The following DAB1 variants were observed in gnomAD, a reference collection of about 807,000 sequenced individuals.
DAB1 encodes the protein disabled homolog 1.
In DAB1, 15 loss-of-function variants were observed where a neutral mutation model predicts 64.6. That is an observed-to-expected ratio of 0.23 (90% CI 0.16 to 0.36). The LOEUF is 0.36. Ranked by LOEUF, DAB1 falls within the 10% of genes least tolerant of loss-of-function variation. The probability of loss-of-function intolerance (pLI) is 1.00; values close to 1 mark genes in which losing one functional copy is unlikely to be tolerated. For missense variants in DAB1, 596 were observed against 706.7 expected (o/e 0.84, Z 1.78); for synonymous variants, 235 against 251.9 (o/e 0.93, Z 0.64).
At chr1:58,009,774 T>C (rs1418987035) in intron 5 of DAB1, among the ~76,000 whole-genome samples, 1 of 152,174 alleles carries the variant, frequency 6.6e-6, no homozygotes, top group African/African-American at 2.4e-5. Flanking sequence ...AATTAAACTA[T>C]CTTTCCTTAT....
intron 4 of DAB1, among the ~76,000 whole-genome samples, chr1:58,152,941 T>C (rs1655023556): frequency 6.6e-6 from 1 of 152,168 alleles, no homozygotes; most frequent in Non-Finnish European, 1.5e-5. Flanking sequence ...AACTTGAAAC[T>C]TTATCCTTTG....
chr1:58,035,481 C>A (rs551570360), intron 5 of DAB1, among the ~76,000 whole-genome samples: 30 of 152,346 alleles, frequency 2.0e-4, no homozygotes, highest in South Asian at 4.1e-4. Flanking sequence ...CCTTACAACA[C>A]CAACTACATG....
chr1:57,964,169 T>A (rs1028467878), intron 5 of DAB1, among the ~76,000 whole-genome samples: 2 of 152,134 alleles, frequency 1.3e-5, no homozygotes, highest in Non-Finnish European at 2.9e-5. Flanking sequence ...TAGAGAGAGT[T>A]GATGCTCTCT....
intron 5 of DAB1, among the ~76,000 whole-genome samples, chr1:58,122,319 T>C (rs1042082253): frequency 7.2e-5 from 11 of 152,186 alleles, no homozygotes; most frequent in Admixed American, 2.6e-4. Context: ...AGTTAATAGA[T>C]GTGGGCCTAA....
Position 57,077,727 on chromosome 1 carries a change from G to A in DAB1, c.307-5313C>T, listed in dbSNP as rs74598486. On this transcript the variant is annotated intron_variant, in intron 4 of 14. Coordinates refer to ENST00000371236, the MANE Select transcript of DAB1 (RefSeq NM_001365792.1). ...TTAATTTGTAGTATGGTTCAATACAGCCAATTAAATACAGTATGGATTAGA... is the reference window on the plus strand; with the variant it reads ...TTAATTTGTAGTATGGTTCAATACAACCAATTAAATACAGTATGGATTAGA... Among the ~76,000 whole-genome samples the A allele has an allele frequency of 8.4e-3, 1,282 of 152,244 alleles. 18 individuals carry two copies. The highest frequency in any genetic ancestry group is 0.029 in the African/African-American group (1,223 of 41,546).
At chr1:58,102,331 G>A (rs1227247572) in intron 5 of DAB1, among the ~76,000 whole-genome samples, 1 of 152,198 alleles carries the variant, frequency 6.6e-6, no homozygotes, top group Non-Finnish European at 1.5e-5. Flanking sequence ...AGAAGATAAA[G>A]TGGGAGAAAG....
chr1:57,106,149 G>A (rs1247042911), intron 4 of DAB1, among the ~76,000 whole-genome samples: 1 of 152,020 alleles, frequency 6.6e-6, no homozygotes, highest in Non-Finnish European at 1.5e-5. Flanking sequence ...TAATCACATC[G>A]GGTTAACCTT....
chr1:57,813,658 G>C (rs1055551366), intron 6 of DAB1, among the ~76,000 whole-genome samples: 1 of 152,180 alleles, frequency 6.6e-6, no homozygotes, highest in Admixed American at 6.5e-5. Flanking sequence ...TGTAGGAGCT[G>C]TTAGATGAAA....
intron 5 of DAB1, among the ~76,000 whole-genome samples, chr1:58,044,437 CT>C (rs1333212071): frequency 1.3e-5 from 2 of 151,818 alleles, no homozygotes; most frequent in Non-Finnish European, 2.9e-5. Context: ...CGCTTCTTAG[CT>C]CTTCCATCTT....
At chr1:57,091,767 T>C (rs1653700308) in intron 4 of DAB1, among the ~76,000 whole-genome samples, 1 of 152,276 alleles carries the variant, frequency 6.6e-6, no homozygotes, top group African/African-American at 2.4e-5. Context: ...CATTATGGTG[T>C]TGTGATGATT....
At position 57,071,078 on chromosome 1, in the gene DAB1, AGAG is replaced by A; in HGVS notation, c.559-20_559-18del. On this transcript the variant is annotated intron_variant, in intron 6 of 14. Transcript: ENST00000371236. Reference sequence around the variant, plus strand: ...CAATATTGTCTATTGCAGAGTAAGGAGAGGGAGGGTGAAAAGCAGAGGACATAA... The same window carrying A: ...CAATATTGTCTATTGCAGAGTAAGGAGGAGGGTGAAAAGCAGAGGACATAA... 6.2e-7 allele frequency: 1 copy of A among 1,609,874 alleles called. No homozygotes were observed. The highest frequency in any genetic ancestry group is 8.5e-7 in the Non-Finnish European group (1 of 1,176,356).
chr1:57,692,996 C>T (rs937359367), intron 6 of DAB1, among the ~76,000 whole-genome samples: 1 of 152,148 alleles, frequency 6.6e-6, no homozygotes, highest in Non-Finnish European at 1.5e-5. Context: ...CTATTACTCA[C>T]CTTTGGGCCC....
At chr1:57,211,927 A>T (rs957910261) in intron 2 of DAB1, among the ~76,000 whole-genome samples, 3 of 152,230 alleles carry the variant, frequency 2.0e-5, no homozygotes, top group Non-Finnish European at 4.4e-5. Flanking sequence ...GGACTTGGGC[A>T]TCTGTGGATT....
At chr1:57,518,296 C>T (rs1265428786) in intron 7 of DAB1, among the ~76,000 whole-genome samples, 1 of 152,156 alleles carries the variant, frequency 6.6e-6, no homozygotes, top group African/African-American at 2.4e-5. Flanking sequence ...CTGGAATCTG[C>T]TGTGCTCACT....
At chr1:57,898,426 T>A (rs1457934838) in intron 5 of DAB1, among the ~76,000 whole-genome samples, 1 of 152,190 alleles carries the variant, frequency 6.6e-6, no homozygotes. Flanking sequence ...CTGATAGACA[T>A]GCATCATGCT....
At chr1:58,025,651 GTATATATATATATATATATATA>G (rs763787466) in intron 5 of DAB1, among the ~76,000 whole-genome samples, 1 of 75,292 alleles carries the variant, frequency 1.3e-5, no homozygotes, top group African/African-American at 4.0e-5. Flanking sequence ...ATATATGTGT[GTATATATATATATATATATATA>G]TATATATATA....
intron 1 of DAB1, among the ~76,000 whole-genome samples, chr1:57,341,002 G>C (rs1171814708): frequency 6.6e-6 from 1 of 152,166 alleles, no homozygotes; most frequent in Non-Finnish European, 1.5e-5. Flanking sequence ...GCTGGGTTTT[G>C]ACTGGCAGCC....
chr1:57,334,389 G>A (rs1381830988), intron 1 of DAB1, among the ~76,000 whole-genome samples: 1 of 152,192 alleles, frequency 6.6e-6, no homozygotes, highest in Non-Finnish European at 1.5e-5. Context: ...GCCTTTTTCT[G>A]TATGTGAAGC....
intron 4 of DAB1, among the ~76,000 whole-genome samples, chr1:58,338,109 G>A (rs1458517279): frequency 6.6e-6 from 1 of 152,062 alleles, no homozygotes; most frequent in Non-Finnish European, 1.5e-5. Context: ...AACACCTGGG[G>A]AACACCTTCA....
Sources: allele counts gnomAD v4.1 joint callset (sites outside exome capture counted in the v4.1 genomes callset), GRCh38; gene constraint gnomAD v4.1.1; transcripts MANE v1.5; gene names NCBI Gene and HGNC (gene_info 2026-07-23, HGNC 2026-07-21).